The following UGGT2 variants were observed in gnomAD, a reference collection of about 807,000 sequenced individuals.
UGGT2 encodes UDP-glucose:glycoprotein glucosyltransferase 2.
Under a neutral mutation model 192.1 loss-of-function variants are expected in UGGT2, and 180 were observed. The observed-to-expected ratio is 0.94, with a 90% CI of 0.83 to 1.06. UGGT2 has a LOEUF of 1.06. UGGT2 is among the 50% of genes least tolerant of loss of function. The pLI is 0.00. For synonymous variants in UGGT2, 580 were observed against 591.0 expected (o/e 0.98, Z 0.27); for missense variants, 1,849 against 1,795.7 (o/e 1.03, Z -0.54).
intron 38 of UGGT2, among the ~76,000 whole-genome samples, chr13:95,807,716 CTT>C: frequency 4.2e-4 from 33 of 78,700 alleles, no homozygotes; most frequent in South Asian, 2.2e-3. Context: ...CAGCCCTCAC[CTT>C]TTTTTTTTTT....
chr13:95,930,244 TTTC>T (rs1019967158), intron 17 of UGGT2, among the ~76,000 whole-genome samples: 5 of 152,272 alleles, frequency 3.3e-5, no homozygotes, highest in African/African-American at 1.2e-4. Context: ...CTGTTGCGAG[TTTC>T]TTTTGTTGTA....
intron 33 of UGGT2, among the ~76,000 whole-genome samples, chr13:95,856,988 TACTG>T (rs1366328612): frequency 2.0e-5 from 3 of 152,030 alleles, no homozygotes; most frequent in African/African-American, 4.8e-5. Context: ...AGAGCTCAAA[TACTG>T]AGAGAGAAAA....
At chr13:95,996,267 C>T (rs929902941) in intron 6 of UGGT2, 132 bp from the exon 7 acceptor site, 11 of 699,450 alleles carry the variant, frequency 1.6e-5, no homozygotes, top group Non-Finnish European at 2.5e-5. Context: ...TTTGGGAGGC[C>T]GAGGTGGGTA....
intron 5 of UGGT2, among the ~76,000 whole-genome samples, chr13:96,001,418 T>C (rs534091477): frequency 6.6e-6 from 1 of 152,156 alleles, no homozygotes; most frequent in Non-Finnish European, 1.5e-5. Context: ...CCAAATCTTA[T>C]AAAACGGCCC....
At chr13:96,037,617 C>G (rs1019018630) in intron 1 of UGGT2, among the ~76,000 whole-genome samples, 3 of 151,966 alleles carry the variant, frequency 2.0e-5, no homozygotes, top group Non-Finnish European at 2.9e-5. Flanking sequence ...TGAAAAATAT[C>G]TGTGTGTGTG....
At chr13:95,920,072 G>A (rs1460596494) in intron 20 of UGGT2, among the ~76,000 whole-genome samples, 3 of 152,156 alleles carry the variant, frequency 2.0e-5, no homozygotes, top group South Asian at 4.2e-4. Flanking sequence ...TCTGATCTTC[G>A]ACAAACCTGA....
At chr13:95,877,203 G>T in intron 29 of UGGT2, 76 bp downstream of exon 29, 2 of 1,215,340 alleles carry the variant, frequency 1.6e-6, no homozygotes, top group African/African-American at 1.6e-5. Context: ...TTTAATTGTT[G>T]TTTTGATTCT....
chr13:96,045,282 G>A (rs1394705465), intron 1 of UGGT2, among the ~76,000 whole-genome samples: 1 of 152,058 alleles, frequency 6.6e-6, no homozygotes, highest in Non-Finnish European at 1.5e-5. Context: ...ACAAAATCAA[G>A]CACCCCTTTA....
rs750557147 is a variant in UGGT2 at position 95,895,212 on chromosome 13, G to A, written c.2727C>T (p.Gly909=). The change falls in exon 23 of 39, where the codon GGC becomes GGT. Residue 909 remains glycine (G), a synonymous_variant. Coordinates refer to ENST00000376747, the MANE Select transcript of UGGT2 (RefSeq NM_020121.4). The part of the protein sequence containing the change: ...TFSNLGEKIK[G]IVENMGINAN... ...CGTTGATTCCCATATTTTCAACAAT[G>A]CCTTTAATTTTCTCTCCTAAATTAC... The A allele has an allele frequency of 6.3e-7, 1 of 1,584,544 alleles. No individual in the cohort carries two copies. The highest frequency in any genetic ancestry group is 8.5e-7 in the Non-Finnish European group (1 of 1,171,344).
At chr13:96,013,196 A>T in intron 5 of UGGT2, 111 bp downstream of exon 5, 1 of 1,092,370 alleles carries the variant, frequency 9.2e-7, no homozygotes, top group Non-Finnish European at 1.2e-6. Flanking sequence ...AGTTAAAAAA[A>T]GTTAGATAAC....
intron 4 of UGGT2, among the ~76,000 whole-genome samples, chr13:96,020,289 T>C (rs892148574): frequency 1.3e-5 from 2 of 152,064 alleles, no homozygotes; most frequent in African/African-American, 2.4e-5. Context: ...AGGGGTGTAC[T>C]AAGTGGCTGA....
At chr13:95,850,163 G>C (rs1050152578) in intron 36 of UGGT2, among the ~76,000 whole-genome samples, 1 of 151,950 alleles carries the variant, frequency 6.6e-6, no homozygotes, top group Non-Finnish European at 1.5e-5. Context: ...TTATTTCTAA[G>C]AACTATTTTA....
intron 10 of UGGT2, among the ~76,000 whole-genome samples, chr13:95,981,560 AGT>A (rs2051126161): frequency 1.3e-5 from 2 of 152,194 alleles, no homozygotes. Context: ...ATCCTTAAAA[AGT>A]GTAATTTACA....
At chr13:95,838,676 A>C (rs1887553100) in intron 36 of UGGT2, among the ~76,000 whole-genome samples, 1 of 152,162 alleles carries the variant, frequency 6.6e-6, no homozygotes, top group African/African-American at 2.4e-5. Context: ...TGTAAACCTA[A>C]GACTGCTCTA....
intron 5 of UGGT2, among the ~76,000 whole-genome samples, chr13:96,002,571 C>T (rs12874019): frequency 0.15 from 22,448 of 152,198 alleles, 1,782 homozygotes; most frequent in Middle Eastern, 0.23. Flanking sequence ...ACTGTACACA[C>T]ACCCACACTT....
chr13:95,942,221 G>GGTGGGTGTGTGT (rs2049707875), intron 15 of UGGT2, among the ~76,000 whole-genome samples: 2 of 117,992 alleles, frequency 1.7e-5, no homozygotes, highest in South Asian at 5.3e-4. Flanking sequence ...TTAGGGTGAG[G>GGTGGGTGTGTGT]GTGTGTGTGT....
intron 1 of UGGT2, 45 bp from the exon 2 acceptor site, chr13:96,032,016 A>G: frequency 1.4e-6 from 2 of 1,425,534 alleles, no homozygotes; most frequent in Non-Finnish European, 2.0e-6. Context: ...GGAATTTAAA[A>G]TGGTTTAGAT....
chr13:96,053,238 G>C lies in UGGT2; in HGVS notation c.75C>G (p.Gly25=). 6.4e-7 allele frequency: 1 copy of C among 1,550,736 alleles called. No homozygotes were observed. Residue 25 remains glycine (G), a synonymous_variant, in exon 1 of 39, where the codon GGC becomes GGG. Transcript: ENST00000376747. Reference sequence around the variant, plus strand: ...ACTTGGACGCGGCGACCGTCCCGGAGCCGAGCTGCGAAAGCCACAGCGCTG... The same window carrying C: ...ACTTGGACGCGGCGACCGTCCCGGACCCGAGCTGCGAAAGCCACAGCGCTG... ...GSTALWLSQL[G]SGTVAASKSV...
intron 36 of UGGT2, among the ~76,000 whole-genome samples, chr13:95,838,722 C>G (rs1887557540): frequency 6.6e-6 from 1 of 152,010 alleles, no homozygotes; most frequent in Non-Finnish European, 1.5e-5. Context: ...AAAGAAAAAC[C>G]TTAACTGTCC....
Sources: gnomAD v4.1 joint callset for allele counts (sites outside exome capture counted in the v4.1 genomes callset) on GRCh38, gnomAD v4.1.1 for gene constraint, MANE v1.5 for transcripts, NCBI Gene and HGNC (gene_info 2026-07-23, HGNC 2026-07-21) for gene names.